The following SNX29 variants were observed in gnomAD, a reference collection of about 807,000 sequenced individuals.
The protein encoded by SNX29 is sorting nexin 29.
Under a neutral mutation model 102.1 loss-of-function variants are expected in SNX29, and 78 were observed. The ratio of observed to expected loss-of-function variants is 0.76; its 90% CI spans 0.64 to 0.92. SNX29 has a LOEUF of 0.92. Ranked by LOEUF, SNX29 falls within the 40% of genes least tolerant of loss-of-function variation. The probability of loss-of-function intolerance (pLI) is 0.00; values close to 1 mark genes in which losing one functional copy is unlikely to be tolerated. For missense variants in SNX29, 1,280 were observed against 1,061.7 expected (o/e 1.21, Z -2.86); for synonymous variants, 580 against 414.5 (o/e 1.40, Z -4.85).
intron 15 of SNX29, among the ~76,000 whole-genome samples, chr16:12,306,024 C>T (rs1279314276): frequency 6.6e-6 from 1 of 152,008 alleles, no homozygotes; most frequent in Non-Finnish European, 1.5e-5. Flanking sequence ...GTGGCCTTAA[C>T]AACCTGACTC....
chr16:12,567,829 C>T (rs369625828), intron 20 of SNX29, among the ~76,000 whole-genome samples: 44 of 152,162 alleles, frequency 2.9e-4, no homozygotes, highest in Admixed American at 7.2e-4. Context: ...TCTGCTCTCA[C>T]GGTGAAGCCT....
intron 3 of SNX29, among the ~76,000 whole-genome samples, chr16:12,022,584 A>G (rs2057061144): frequency 6.6e-6 from 1 of 152,116 alleles, no homozygotes; most frequent in Non-Finnish European, 1.5e-5. Context: ...TTATCCCCCC[A>G]AATTCCCTTG....
At chr16:12,137,958 C>T (rs2054723836) in intron 13 of SNX29, among the ~76,000 whole-genome samples, 1 of 152,212 alleles carries the variant, frequency 6.6e-6, no homozygotes, top group Non-Finnish European at 1.5e-5. Context: ...GCTGCCAACT[C>T]TGGTAGTCGC....
At chr16:12,058,063 G>A (rs2050592632) in intron 8 of SNX29, among the ~76,000 whole-genome samples, 2 of 151,922 alleles carry the variant, frequency 1.3e-5, no homozygotes, top group Admixed American at 6.6e-5. Flanking sequence ...CAGGTGATCT[G>A]CCCACCTTGG....
At chr16:12,101,997 A>G (rs149850593) in intron 11 of SNX29, among the ~76,000 whole-genome samples, 67 of 152,110 alleles carry the variant, frequency 4.4e-4, no homozygotes, top group African/African-American at 1.5e-3. Context: ...ACTCCCACCT[A>G]TGAGTGAGAA....
At chr16:12,015,364 C>T (rs2056813069) in intron 3 of SNX29, among the ~76,000 whole-genome samples, 1 of 151,908 alleles carries the variant, frequency 6.6e-6, no homozygotes, top group Admixed American at 6.6e-5. Flanking sequence ...CCTCAGCGTC[C>T]GGAGTAGCTG....
intron 20 of SNX29, among the ~76,000 whole-genome samples, chr16:12,556,714 C>T (rs562315790): frequency 7.9e-5 from 12 of 152,178 alleles, no homozygotes; most frequent in African/African-American, 2.2e-4. Context: ...GCCAGTGGGT[C>T]TTGGATTTTG....
chr16:12,503,856 T>A (rs371135853), intron 19 of SNX29, among the ~76,000 whole-genome samples: 1 of 152,244 alleles, frequency 6.6e-6, no homozygotes, highest in Non-Finnish European at 1.5e-5. Flanking sequence ...ATTGTTCTGT[T>A]TGAGCCATGT....
At chr16:11,989,871 G>A (rs1043885385) in intron 1 of SNX29, among the ~76,000 whole-genome samples, 1 of 152,226 alleles carries the variant, frequency 6.6e-6, no homozygotes, top group African/African-American at 2.4e-5. Flanking sequence ...AGAAGGGAAC[G>A]TTTGAGTCAG....
intron 14 of SNX29, among the ~76,000 whole-genome samples, chr16:12,228,613 C>A (rs924925916): frequency 6.6e-6 from 1 of 152,266 alleles, no homozygotes; most frequent in Admixed American, 6.5e-5. Context: ...CTTACCATGA[C>A]TTGCAAAACC....
chr16:12,486,941 C>T (rs1223476891), intron 19 of SNX29, among the ~76,000 whole-genome samples: 1 of 152,172 alleles, frequency 6.6e-6, no homozygotes, highest in African/African-American at 2.4e-5. Flanking sequence ...TTCAATGTGA[C>T]TTTACCAACT....
chr16:12,160,825 T>C (rs1044796288), intron 13 of SNX29, among the ~76,000 whole-genome samples: 9 of 152,262 alleles, frequency 5.9e-5, no homozygotes. Flanking sequence ...GTGTTAGTGC[T>C]GTCCCCCATT....
intron 20 of SNX29, among the ~76,000 whole-genome samples, chr16:12,536,673 C>G (rs947799315): frequency 6.6e-6 from 1 of 152,146 alleles, no homozygotes; most frequent in Non-Finnish European, 1.5e-5. Flanking sequence ...CAGGGAAGAG[C>G]TGGTATTAAG....
intron 20 of SNX29, among the ~76,000 whole-genome samples, chr16:12,559,498 G>A (rs191587847): frequency 3.3e-5 from 5 of 151,768 alleles, no homozygotes; most frequent in African/African-American, 9.7e-5. Flanking sequence ...ATAATAGAAT[G>A]TACAAATGTA....
At chr16:12,525,700 C>A (rs907975741) in intron 20 of SNX29, among the ~76,000 whole-genome samples, 13 of 96,254 alleles carry the variant, frequency 1.4e-4, no homozygotes, top group South Asian at 4.8e-4. Context: ...CCCCCCCCAC[C>A]CCCCCCCCCA....
chr16:12,568,666 C>T lies in SNX29; in HGVS notation c.*37C>T, dbSNP rs1018185252. 3.8e-6 allele frequency: 6 copies of T among 1,593,142 alleles called. No individual in the cohort carries two copies. Among genetic ancestry groups the T allele is most frequent in the East Asian group, 2.2e-5 (1 of 44,588 alleles). On this transcript the variant is annotated 3_prime_UTR_variant, in exon 21 of 21. Transcript: ENST00000566228. ...CCGCAGCCACGGGCCCTGTGCGTGG[C>T]ACCAGCTGCGTCCACCCCAGCCACT... is the stretch of plus-strand genomic sequence containing the variant.
intron 15 of SNX29, among the ~76,000 whole-genome samples, chr16:12,352,544 T>C (rs1001374747): frequency 1.8e-4 from 27 of 152,170 alleles, no homozygotes; most frequent in African/African-American, 6.5e-4. Context: ...TGTTGCCAAA[T>C]AGGCAAGTTA....
In SNX29 at chr16:12,277,996, C is replaced by A. The variant is rs1272924795; in HGVS notation, c.1742C>A (p.Ala581Asp). The change falls in exon 15 of 21, where the codon GCT becomes GAT. Residue 581 changes from alanine to aspartate, a missense_variant. Physicochemically the swap from Ala to Asp is moderately radical, Grantham distance 126. Transcript: ENST00000566228. The stretch of plus-strand genomic sequence containing the variant: ...GCTGAACAGAAGCCGGGAGAAATTG[C>A]TGAAGAACTCGCAAGCTCCTACGAA... The part of the protein sequence containing the change: ...TVAEQKPGEI[A>D]EELASSYERK... 4 of 1,607,540 alleles carry A rather than the reference C, an allele frequency of 2.5e-6. No homozygotes were observed.
intron 12 of SNX29, 76 bp from the exon 13 acceptor site, chr16:12,129,554 A>G: frequency 6.7e-7 from 1 of 1,502,710 alleles, no homozygotes; most frequent in Non-Finnish European, 8.9e-7. Flanking sequence ...GACTTGACTT[A>G]TGTTAGGAAC....
Sources: gnomAD v4.1 joint callset for allele counts (sites outside exome capture counted in the v4.1 genomes callset) on GRCh38, gnomAD v4.1.1 for gene constraint, MANE v1.5 for transcripts, NCBI Gene and HGNC (gene_info 2026-07-23, HGNC 2026-07-21) for gene names.